Variants in ANK3 observed in about 807,000 individuals in gnomAD.
ANK3 encodes ankyrin 3.
ANK3 carries 57 observed loss-of-function variants against 370.9 expected under a neutral mutation model. That is an observed-to-expected ratio of 0.15 (90% CI 0.12 to 0.19). ANK3 has a LOEUF of 0.19. ANK3 is among the 10% of genes least tolerant of loss of function. The pLI is 1.00. For missense variants in ANK3, 4,439 were observed against 5,302.1 expected, an observed-to-expected ratio of 0.84 and a Z score of 5.06; for synonymous variants, 1,929 against 1,946.3, an observed-to-expected ratio of 0.99 and a Z score of 0.23.
intron 1 of ANK3, among the ~76,000 whole-genome samples, chr10:60,694,683 A>G (rs2079416098): frequency 1.3e-5 from 2 of 152,208 alleles, no homozygotes; most frequent in African/African-American, 4.8e-5. Flanking sequence ...AATACTTTAC[A>G]GACAAGCAAA....
intron 1 of ANK3, among the ~76,000 whole-genome samples, chr10:60,620,628 T>C (rs2078323239): frequency 6.6e-6 from 1 of 152,202 alleles, no homozygotes; most frequent in Non-Finnish European, 1.5e-5. Flanking sequence ...TAGGCATGAA[T>C]TTAAATGTTT....
At chr10:60,455,038 C>T (rs61847648) in intron 2 of ANK3, among the ~76,000 whole-genome samples, 2 of 152,068 alleles carry the variant, frequency 1.3e-5, no homozygotes, top group African/African-American at 2.4e-5. Flanking sequence ...GAAGTTTTTG[C>T]TGTTAAAATG....
intron 8 of ANK3, among the ~76,000 whole-genome samples, chr10:60,215,610 T>G (rs2096924871): frequency 6.6e-6 from 1 of 152,206 alleles, no homozygotes; most frequent in Non-Finnish European, 1.5e-5. Flanking sequence ...ATTTACTGAA[T>G]AGTATATCCT....
At chr10:60,634,571 G>A (rs1386107570) in intron 1 of ANK3, among the ~76,000 whole-genome samples, 1 of 152,118 alleles carries the variant, frequency 6.6e-6, no homozygotes, top group African/African-American at 2.4e-5. Flanking sequence ...CGATCAGGAG[G>A]ATGTGTGTGG....
At chr10:60,713,104 T>C (rs965940403) in intron 1 of ANK3, among the ~76,000 whole-genome samples, 2 of 152,164 alleles carry the variant, frequency 1.3e-5, no homozygotes, top group Admixed American at 6.5e-5. Flanking sequence ...ATTAAGCAAC[T>C]GCACCTAGTT....
chr10:60,386,231 A>G (rs958554501), intron 1 of ANK3, among the ~76,000 whole-genome samples: 6 of 152,060 alleles, frequency 3.9e-5, no homozygotes, highest in African/African-American at 7.2e-5. Flanking sequence ...TGCCAACCTA[A>G]GCGGCCCGTG....
intron 30 of ANK3, 112 bp downstream of exon 30, chr10:60,086,565 T>C (rs2086727474): frequency 4.5e-6 from 4 of 885,810 alleles, no homozygotes; most frequent in East Asian, 2.8e-5. Context: ...TTTTATTTTC[T>C]CTTATAATGT....
Position 60,113,022 on chromosome 10 carries a change from C to T in ANK3, c.2948+1203G>A, listed in dbSNP as rs924385482. Among the ~76,000 whole-genome samples the T allele has an allele frequency of 3.9e-5, 6 of 152,006 alleles. No individual in the cohort carries two copies. In the East Asian group the frequency reaches 9.6e-4, roughly 24 times the overall value. ...TGTCAATTATCCCAAATTTGAATTA[C>T]CCAAAGATGAAGAATCCAGTATCTA... On this transcript the variant is annotated intron_variant, in intron 26 of 43. Coordinates refer to ENST00000280772, the MANE Select transcript of ANK3 (RefSeq NM_020987.5).
intron 1 of ANK3, among the ~76,000 whole-genome samples, chr10:60,714,235 A>G (rs906264414): frequency 6.6e-6 from 1 of 152,234 alleles, no homozygotes; most frequent in Admixed American, 6.5e-5. Context: ...TCTATTAAAG[A>G]CATTGAATCA....
At chr10:60,593,521 A>G (rs2077945836) in intron 2 of ANK3, among the ~76,000 whole-genome samples, 3 of 152,202 alleles carry the variant, frequency 2.0e-5, no homozygotes, top group Admixed American at 2.0e-4. Context: ...CAAATAAAAC[A>G]TTTTAATCCA....
At chr10:60,550,981 T>A (rs569643699) in intron 2 of ANK3, among the ~76,000 whole-genome samples, 2 of 152,232 alleles carry the variant, frequency 1.3e-5, no homozygotes, top group Admixed American at 6.5e-5. Context: ...GTTTAGTGTA[T>A]CCTTATCAAG....
At chr10:60,457,158 A>ATTTAACCT (rs2064768942) in intron 2 of ANK3, among the ~76,000 whole-genome samples, 4 of 152,138 alleles carry the variant, frequency 2.6e-5, no homozygotes, top group Non-Finnish European at 5.9e-5. Flanking sequence ...TCCTGAGCAG[A>ATTTAACCT]GGGCAATAAT....
In ANK3 at chr10:60,599,940, G is replaced by A. The variant is rs770737812; in HGVS notation, c.96+15246C>T. Among the ~76,000 whole-genome samples the A allele has an allele frequency of 7.9e-5, 12 of 151,806 alleles. No individual in the cohort carries two copies. In the East Asian group the frequency reaches 1.7e-3, roughly 22 times the overall value. On this transcript the variant is annotated intron_variant, in intron 2 of 43. Coordinates refer to the ANK3 transcript ENST00000373827. ...TTTGGTTTTGTTTCGTTTTGTTTTC[G>A]CACAGCAACCATTTTATTAAATAAT...
At chr10:60,107,987 T>C (rs895968030) in intron 27 of ANK3, among the ~76,000 whole-genome samples, 3 of 152,096 alleles carry the variant, frequency 2.0e-5, no homozygotes, top group African/African-American at 7.2e-5. Flanking sequence ...AAGCACAAGA[T>C]AGGTAGCGGT....
chr10:60,280,664 C>T (rs2098148122), intron 1 of ANK3, among the ~76,000 whole-genome samples: 1 of 152,188 alleles, frequency 6.6e-6, no homozygotes, highest in Admixed American at 6.5e-5. Context: ...TAATACAGTA[C>T]AATACAAAAG....
intron 25 of ANK3, among the ~76,000 whole-genome samples, chr10:60,129,130 A>C (rs1339784596): frequency 6.6e-6 from 1 of 152,246 alleles, no homozygotes; most frequent in Non-Finnish European, 1.5e-5. Flanking sequence ...ATCTGAGCTT[A>C]TAAAACAAAT....
At chr10:60,316,444 C>T (rs576987868) in intron 1 of ANK3, among the ~76,000 whole-genome samples, 5 of 152,238 alleles carry the variant, frequency 3.3e-5, no homozygotes, top group South Asian at 4.1e-4. Flanking sequence ...AGCTTCTTTT[C>T]GTCTTCTGGA....
At chr10:60,131,514 G>A (rs956066028) in intron 25 of ANK3, among the ~76,000 whole-genome samples, 1 of 152,150 alleles carries the variant, frequency 6.6e-6, no homozygotes, top group Non-Finnish European at 1.5e-5. Context: ...AGGTATTTTT[G>A]AGTTGGAAGC....
intron 1 of ANK3, among the ~76,000 whole-genome samples, chr10:60,282,772 C>A (rs1327893789): frequency 6.6e-6 from 1 of 152,078 alleles, no homozygotes; most frequent in Non-Finnish European, 1.5e-5. Context: ...CTTTCCTTGG[C>A]CCTGTTACGT....
Sources: gnomAD v4.1 joint callset for allele counts (sites outside exome capture counted in the v4.1 genomes callset) on GRCh38, gnomAD v4.1.1 for gene constraint, MANE v1.5 for transcripts, NCBI Gene and HGNC (gene_info 2026-07-23, HGNC 2026-07-21) for gene names.